ABI3BP: variants seen among roughly 807,000 people sequenced by gnomAD.
ABI3BP encodes the protein target of Nesh-SH3.
ABI3BP carries 216 observed loss-of-function variants against 268.6 expected under a neutral mutation model. That is an observed-to-expected ratio of 0.80 (90% confidence interval 0.72 to 0.90). ABI3BP has a LOEUF of 0.90. Among genes scored for constraint, ABI3BP ranks in the 40% least tolerant of loss-of-function variants. ABI3BP has a pLI of 0.00. For missense variants in ABI3BP, 2,090 were observed against 2,182.4 expected, an observed-to-expected ratio of 0.96 and a Z score of 0.84; for synonymous variants, 730 against 730.0, an observed-to-expected ratio of 1.00 and a Z score of 0.00.
Position 100,902,699 on chromosome 3 carries a change from A to C in ABI3BP, c.260-13T>G, listed in dbSNP as rs1357059676. On this transcript the variant is annotated splice_polypyrimidine_tract_variant and intron_variant, in intron 2 of 67. Coordinates refer to ENST00000471714, the MANE Select transcript of ABI3BP (RefSeq NM_001375547.2). ...TTCGGCTCTGCATCTGGAAGCAATAACATTATTTATCAGAAAAACCCTTTG... is the reference window on the plus strand; with the variant it reads ...TTCGGCTCTGCATCTGGAAGCAATACCATTATTTATCAGAAAAACCCTTTG... The C allele has an allele frequency of 1.9e-6, 3 of 1,612,616 alleles. No homozygotes were observed. In the Admixed American group the frequency reaches 5.0e-5, roughly 27 times the overall value.
chr3:100,899,898 C>G (rs1413416305), intron 3 of ABI3BP, among the ~76,000 whole-genome samples: 1 of 152,306 alleles, frequency 6.6e-6, no homozygotes, highest in East Asian at 1.9e-4. Context: ...TGGCCTGCCA[C>G]CTCTATTAAG....
At chr3:100,769,395 T>G (rs1017142702) in intron 62 of ABI3BP, among the ~76,000 whole-genome samples, 13 of 152,298 alleles carry the variant, frequency 8.5e-5, no homozygotes, top group Admixed American at 2.6e-4. Flanking sequence ...TAAAGTATAC[T>G]CTATCCATGA....
chr3:100,825,064 T>G (rs1203815352), intron 35 of ABI3BP, 123 bp from the exon 36 acceptor site: 3 of 786,442 alleles, frequency 3.8e-6, no homozygotes, highest in Non-Finnish European at 5.8e-6. Flanking sequence ...TTAGTTTTAC[T>G]TTTTCATTCC....
At chr3:100,936,176 T>G (rs1202757924) in intron 1 of ABI3BP, among the ~76,000 whole-genome samples, 1 of 152,220 alleles carries the variant, frequency 6.6e-6, no homozygotes, top group Non-Finnish European at 1.5e-5. Flanking sequence ...ATTGAGAGTT[T>G]TTAGCATGAA....
intron 28 of ABI3BP, among the ~76,000 whole-genome samples, chr3:100,835,321 A>G (rs1234399750): frequency 6.6e-6 from 1 of 152,204 alleles, no homozygotes; most frequent in Non-Finnish European, 1.5e-5. Context: ...TTAACATAGA[A>G]CACTACTGGA....
chr3:100,930,250 G>A (rs1429363635), intron 1 of ABI3BP, among the ~76,000 whole-genome samples: 1 of 151,842 alleles, frequency 6.6e-6, no homozygotes, highest in Non-Finnish European at 1.5e-5. Context: ...TAAGACTACT[G>A]GAAGAACGTT....
intron 40 of ABI3BP, among the ~76,000 whole-genome samples, chr3:100,819,115 G>T (rs1174952005): frequency 6.6e-6 from 1 of 152,166 alleles, no homozygotes; most frequent in Non-Finnish European, 1.5e-5. Context: ...AAAAGTGCAG[G>T]ACCCTAGATG....
chr3:100,885,639 A>G (rs2041636696), intron 5 of ABI3BP, 51 bp from the exon 6 acceptor site: 2 of 1,145,124 alleles, frequency 1.7e-6, no homozygotes, highest in Non-Finnish European at 2.5e-6. Context: ...TTGCTCCTAA[A>G]TCAACTCTAG....
intron 2 of ABI3BP, among the ~76,000 whole-genome samples, chr3:100,904,244 C>G (rs1464613073): frequency 6.6e-6 from 1 of 152,156 alleles, no homozygotes; most frequent in Non-Finnish European, 1.5e-5. Flanking sequence ...GTGGCATATA[C>G]AGTCACATGG....
rs2099056614 is a variant in ABI3BP at position 100,866,970 on chromosome 3, G to C, written c.911-14C>G. 1 of 1,609,324 alleles carries C rather than the reference G, an allele frequency of 6.2e-7. No homozygotes were observed. Among genetic ancestry groups the C allele is most frequent in the South Asian group, 1.1e-5 (1 of 90,902 alleles). ...TTTCATTCTTAGCTAAAAAGTCAGAGAACAAACAATTTATCTCACTTGCAG... is the reference window on the plus strand; with the variant it reads ...TTTCATTCTTAGCTAAAAAGTCAGACAACAAACAATTTATCTCACTTGCAG... On this transcript the variant is annotated splice_polypyrimidine_tract_variant and intron_variant, in intron 9 of 67. Transcript: ENST00000471714.
intron 1 of ABI3BP, among the ~76,000 whole-genome samples, chr3:100,963,043 T>C (rs1324331724): frequency 6.6e-6 from 1 of 152,182 alleles, no homozygotes; most frequent in Non-Finnish European, 1.5e-5. Context: ...CCATCACTCA[T>C]GTAGTGATGC....
intron 51 of ABI3BP, among the ~76,000 whole-genome samples, chr3:100,800,312 AACAC>A (rs1350318401): frequency 6.6e-6 from 1 of 152,186 alleles, no homozygotes. Context: ...TACAAAAAGA[AACAC>A]ACACAATTTT....
chr3:100,757,412 C>G (rs1478716171), intron 63 of ABI3BP, among the ~76,000 whole-genome samples: 1 of 152,114 alleles, frequency 6.6e-6, no homozygotes, highest in Admixed American at 6.5e-5. Flanking sequence ...AGGTCCCGTT[C>G]AAGGGATCCA....
At chr3:100,818,421 T>C (rs1310658116) in intron 41 of ABI3BP, 104 bp downstream of exon 41, 2 of 969,038 alleles carry the variant, frequency 2.1e-6, no homozygotes, top group East Asian at 2.6e-5. Flanking sequence ...AATGGAATGA[T>C]GACAAAGAAT....
chr3:100,819,947 CAA>C (rs3029879), intron 40 of ABI3BP, among the ~76,000 whole-genome samples: 20,218 of 93,286 alleles, frequency 0.22, 971 homozygotes, highest in East Asian at 0.33. Flanking sequence ...GACTCCGTCT[CAA>C]AAAAAAAAAA....
rs2098638902 is a variant in ABI3BP, at chr3:100,838,478, T to G, written c.1946-14A>C. 6.5e-7 allele frequency: 1 copy of G among 1,531,816 alleles called. No individual in the cohort carries two copies. The highest frequency in any genetic ancestry group is 2.4e-5 in the East Asian group (1 of 40,870). 94.9% of individuals were successfully genotyped at this position (1,531,816 alleles called of 1,614,324 possible). ...ATGGTTTTGAGGCTAAAGAAAAAGG[T>G]ATTAAAATTACCACAATGGGTCATG... On this transcript the variant is annotated splice_polypyrimidine_tract_variant and intron_variant, in intron 24 of 67. Coordinates refer to ENST00000471714, the MANE Select transcript of ABI3BP (RefSeq NM_001375547.2).
At chr3:100,815,286 C>A (rs950300167) in intron 44 of ABI3BP, among the ~76,000 whole-genome samples, 2 of 152,022 alleles carry the variant, frequency 1.3e-5, no homozygotes, top group Non-Finnish European at 2.9e-5. Flanking sequence ...TGTTTCTGAT[C>A]ATCACTAAGG....
At chr3:100,752,741 T>G (rs1289159413) in intron 66 of ABI3BP, 46 bp downstream of exon 66, 21 of 1,592,126 alleles carry the variant, frequency 1.3e-5, no homozygotes, top group South Asian at 3.4e-5. Flanking sequence ...CTGCAAAACA[T>G]TCCCATAAGT....
In ABI3BP at chr3:100,777,058, G is replaced by T. The variant is rs548743412; in HGVS notation, c.4333+1226C>A. Among the ~76,000 whole-genome samples, 4 of 152,312 alleles carry T rather than the reference G, an allele frequency of 2.6e-5. No individual in the cohort carries two copies. In the South Asian group the frequency reaches 8.3e-4, roughly 32 times the overall value. ...GGCCTTGACTCAGAAAGGCACCAGAGGTATGGATGGGAGGCTGCTTCCTCC... is the reference window on the plus strand; with the variant it reads ...GGCCTTGACTCAGAAAGGCACCAGATGTATGGATGGGAGGCTGCTTCCTCC... On this transcript the variant is annotated intron_variant, in intron 59 of 67. Coordinates refer to ENST00000471714, the MANE Select transcript of ABI3BP (RefSeq NM_001375547.2).
Sources: gnomAD v4.1 joint callset for allele counts (sites outside exome capture counted in the v4.1 genomes callset) on GRCh38, gnomAD v4.1.1 for gene constraint, MANE v1.5 for transcripts, NCBI Gene and HGNC (gene_info 2026-07-23, HGNC 2026-07-21) for gene names.